SGCZ: variants seen among roughly 807,000 people sequenced by gnomAD.
SGCZ encodes the protein zeta-sarcoglycan.
In SGCZ, 40 loss-of-function variants were observed where a neutral mutation model predicts 41.3. That is an observed-to-expected ratio of 0.97 (90% confidence interval 0.75 to 1.26). The LOEUF is 1.26. SGCZ is among the 50% of genes most tolerant of loss of function. The pLI, the probability that SGCZ is intolerant of heterozygous loss-of-function variation, is 0.00. For synonymous variants in SGCZ, 206 were observed against 137.5 expected, an observed-to-expected ratio of 1.50 and a Z score of -3.49; for missense variants, 552 against 369.8, an observed-to-expected ratio of 1.49 and a Z score of -4.04.
intron 1 of SGCZ, among the ~76,000 whole-genome samples, chr8:14,558,113 C>T (rs952672997): frequency 3.9e-5 from 6 of 152,112 alleles, no homozygotes; most frequent in Non-Finnish European, 7.4e-5. Context: ...TAGTTTAATT[C>T]AGGAAGCATT....
chr8:14,613,275 T>C (rs1309573395), intron 1 of SGCZ, among the ~76,000 whole-genome samples: 2 of 152,224 alleles, frequency 1.3e-5, no homozygotes, highest in East Asian at 3.9e-4. Flanking sequence ...CCTGAAAATA[T>C]ATTTCATAAC....
chr8:15,000,072 G>C (rs568808820), intron 1 of SGCZ, among the ~76,000 whole-genome samples: 6 of 152,244 alleles, frequency 3.9e-5, no homozygotes, highest in South Asian at 2.1e-4. Flanking sequence ...AATTCAACCT[G>C]ACTGGTGCCT....
rs113234450 is a variant in SGCZ at position 14,210,004 on chromosome 8, A to ACAGT, written c.424+27587_424+27588insACTG. Among the ~76,000 whole-genome samples the ACAGT allele has an allele frequency of 2.6e-5, 4 of 151,854 alleles. No individual in the cohort carries two copies. In the East Asian group the frequency reaches 7.8e-4, roughly 30 times the overall value. On this transcript the variant is annotated intron_variant, in intron 4 of 7. Coordinates refer to ENST00000382080, the MANE Select transcript of SGCZ (RefSeq NM_139167.4). ...TCTTCAAACTAACTGTAAAGCCTTCAGATTCTTATGTTTGATACAACTTGT... is the reference window on the plus strand; with the variant it reads ...TCTTCAAACTAACTGTAAAGCCTTCACAGTGATTCTTATGTTTGATACAACTTGT...
intron 1 of SGCZ, among the ~76,000 whole-genome samples, chr8:14,807,657 A>C (rs1358411493): frequency 6.6e-6 from 1 of 151,854 alleles, no homozygotes; most frequent in Non-Finnish European, 1.5e-5. Flanking sequence ...CATACTGCCC[A>C]AGGTAATTTA....
intron 1 of SGCZ, among the ~76,000 whole-genome samples, chr8:14,925,864 GAA>G (rs11308398): frequency 2.0e-5 from 3 of 149,888 alleles, no homozygotes; most frequent in Non-Finnish European, 3.0e-5. Context: ...TGGGAATTTA[GAA>G]AAAAAAAATG....
intron 1 of SGCZ, among the ~76,000 whole-genome samples, chr8:15,124,159 G>C (rs1807589277): frequency 6.6e-6 from 1 of 152,216 alleles, no homozygotes. Context: ...GTACCTTTAA[G>C]AGCAGAAGAC....
At chr8:14,766,795 C>G (rs1354484588) in intron 1 of SGCZ, among the ~76,000 whole-genome samples, 1 of 135,962 alleles carries the variant, frequency 7.4e-6, no homozygotes, top group East Asian at 2.1e-4. Context: ...CCAGGCTGGT[C>G]TCCATCTACT....
intron 1 of SGCZ, among the ~76,000 whole-genome samples, chr8:14,859,350 G>A (rs1803645162): frequency 6.6e-6 from 1 of 151,908 alleles, no homozygotes; most frequent in African/African-American, 2.4e-5. Flanking sequence ...TAAGGTACTA[G>A]CAATTTAATC....
At chr8:14,230,055 A>G (rs1290307986) in intron 4 of SGCZ, among the ~76,000 whole-genome samples, 1 of 152,122 alleles carries the variant, frequency 6.6e-6, no homozygotes, top group Non-Finnish European at 1.5e-5. Flanking sequence ...TTTTTGCACA[A>G]AATACGTGCC....
intron 1 of SGCZ, among the ~76,000 whole-genome samples, chr8:15,082,001 A>T (rs1172902810): frequency 2.0e-5 from 3 of 152,164 alleles, no homozygotes; most frequent in African/African-American, 7.2e-5. Flanking sequence ...CTTAACTGGA[A>T]TGTAATTTTC....
intron 1 of SGCZ, among the ~76,000 whole-genome samples, chr8:14,669,432 C>G (rs1018138437): frequency 6.6e-6 from 1 of 151,084 alleles, no homozygotes; most frequent in African/African-American, 2.4e-5. Flanking sequence ...ACTTACTAAT[C>G]TTGAATAACT....
chr8:14,469,991 A>T (rs56162446), intron 2 of SGCZ, among the ~76,000 whole-genome samples: 2,882 of 152,172 alleles, frequency 0.019, 68 homozygotes, highest in African/African-American at 0.05. Flanking sequence ...GAACCCAAAG[A>T]TGGGTTGATG....
chr8:14,687,441 G>A (rs1198023481), intron 1 of SGCZ, among the ~76,000 whole-genome samples: 11 of 150,826 alleles, frequency 7.3e-5, no homozygotes, highest in African/African-American at 1.2e-4. Flanking sequence ...GAGAATATGC[G>A]GTGTTTGGTT....
At chr8:14,942,570 C>A (rs1158353301) in intron 1 of SGCZ, among the ~76,000 whole-genome samples, 1 of 152,132 alleles carries the variant, frequency 6.6e-6, no homozygotes, top group Non-Finnish European at 1.5e-5. Flanking sequence ...TTGAATATAT[C>A]TAAGGAAGAC....
intron 1 of SGCZ, among the ~76,000 whole-genome samples, chr8:14,586,189 A>T (rs1805051710): frequency 6.6e-6 from 1 of 152,096 alleles, no homozygotes; most frequent in Admixed American, 6.6e-5. Flanking sequence ...TGCTGCATAT[A>T]TAAAATACTT....
intron 3 of SGCZ, among the ~76,000 whole-genome samples, chr8:14,282,689 T>C (rs1800487127): frequency 6.6e-6 from 1 of 152,058 alleles, no homozygotes; most frequent in Non-Finnish European, 1.5e-5. Flanking sequence ...GATCCTTCCA[T>C]TTCACTTCCT....
At chr8:14,555,520 TC>T (rs1200081224) in intron 1 of SGCZ, among the ~76,000 whole-genome samples, 1 of 151,976 alleles carries the variant, frequency 6.6e-6, no homozygotes, top group Non-Finnish European at 1.5e-5. Context: ...TCCTGAGGCC[TC>T]CCCAGAAGCA....
intron 1 of SGCZ, among the ~76,000 whole-genome samples, chr8:14,645,729 G>T (rs1214938549): frequency 2.0e-5 from 3 of 151,148 alleles, no homozygotes; most frequent in Non-Finnish European, 4.4e-5. Flanking sequence ...CACACATTCT[G>T]TTTTAATATT....
At chr8:14,193,900 A>C (rs949985848) in intron 4 of SGCZ, among the ~76,000 whole-genome samples, 2 of 151,842 alleles carry the variant, frequency 1.3e-5, no homozygotes, top group African/African-American at 4.8e-5. Flanking sequence ...TTAATATATA[A>C]TATTAATTTT....
Sources: allele counts gnomAD v4.1 joint callset (sites outside exome capture counted in the v4.1 genomes callset), GRCh38; gene constraint gnomAD v4.1.1; transcripts MANE v1.5; gene names NCBI Gene and HGNC (gene_info 2026-07-23, HGNC 2026-07-21).